PCDH11X: variants seen among roughly 807,000 people sequenced by gnomAD.
PCDH11X encodes protocadherin-11 X-linked.
PCDH11X carries 18 observed loss-of-function variants against 53.3 expected under a neutral mutation model. That is an observed-to-expected ratio of 0.34 (90% CI 0.23 to 0.50). PCDH11X has a LOEUF of 0.50. Among genes scored for constraint, PCDH11X ranks in the 20% least tolerant of loss-of-function variants. The pLI is 0.98. For synonymous variants in PCDH11X, 279 were observed against 393.3 expected, an observed-to-expected ratio of 0.71 and a Z score of 3.44; for missense variants, 570 against 1,032.4, an observed-to-expected ratio of 0.55 and a Z score of 6.14.
intron 9 of PCDH11X, among the ~76,000 whole-genome samples, chrX:92,428,858 G>A (rs2072185589): frequency 9.0e-6 from 1 of 110,771 alleles, no homozygotes; most frequent in Admixed American, 9.7e-5. Context: ...TGAATACGGA[G>A]CAGATAAACC....
chrX:92,232,811 C>CGGG (rs2067101521), intron 7 of PCDH11X, among the ~76,000 whole-genome samples: 16 of 111,637 alleles, frequency 1.4e-4, no homozygotes, highest in Admixed American at 1.2e-3. Context: ...CCGCCTTCTG[C>CGGG]TTCACGCCAT....
chrX:92,606,795 A>G (rs940076255), intron 10 of PCDH11X, among the ~76,000 whole-genome samples: 1 of 112,084 alleles, frequency 8.9e-6, no homozygotes, highest in Non-Finnish European at 1.9e-5. Context: ...TATTTAGACC[A>G]TAAAAAGAAC....
rs759091083 is a variant in PCDH11X, at chrX:92,412,793, C to CTG, written c.3343+24876_3343+24877dup. ...CAAAAAACAGTCTCTCTCTCTGTCT[C>CTG]TGTGTGTGTGTGTGTGTAAATTTAT... On this transcript the variant is annotated intron_variant, in intron 9 of 10. Transcript: ENST00000682573. 9.0e-3 allele frequency among the ~76,000 whole-genome samples: 960 copies of CTG among 106,789 alleles called. 12 individuals carry two copies. The highest frequency in any genetic ancestry group is 0.03 in the African/African-American group (874 of 29,449). The allele number at this position is 106,789 out of a possible 115,157, so 92.7% of individuals were successfully genotyped here.
chrX:91,818,309 C>T (rs780960350), intron 4 of PCDH11X, among the ~76,000 whole-genome samples: 14 of 110,745 alleles, frequency 1.3e-4, no homozygotes, highest in Admixed American at 4.8e-4. Flanking sequence ...GATCAAATTA[C>T]GTTTTTTATA....
At chrX:91,930,209 A>G (rs1942079213) in intron 6 of PCDH11X, among the ~76,000 whole-genome samples, 1 of 108,399 alleles carries the variant, frequency 9.2e-6, no homozygotes, top group Non-Finnish European at 1.9e-5. Flanking sequence ...ACTGGACTAA[A>G]ATGATAGAAA....
At chrX:92,164,018 T>A (rs2148264295) in intron 6 of PCDH11X, among the ~76,000 whole-genome samples, 1 of 112,175 alleles carries the variant, frequency 8.9e-6, no homozygotes, top group African/African-American at 3.3e-5. Flanking sequence ...GATTAAATTT[T>A]AATTACTGTA....
chrX:92,585,592 G>T (rs145558195), intron 10 of PCDH11X, among the ~76,000 whole-genome samples: 24,496 of 107,708 alleles, frequency 0.23, 2,207 homozygotes, highest in African/African-American at 0.28. Context: ...GGATGGTCTC[G>T]ATCTCCTGAC....
intron 6 of PCDH11X, among the ~76,000 whole-genome samples, chrX:92,002,007 T>C (rs910086387): frequency 2.0e-5 from 2 of 102,233 alleles, no homozygotes; most frequent in Admixed American, 2.2e-4. Flanking sequence ...TTTTCAGTGT[T>C]TTCTTGTAAT....
chrX:91,817,517 T>A (rs1013832081), intron 4 of PCDH11X, among the ~76,000 whole-genome samples: 5 of 110,841 alleles, frequency 4.5e-5, no homozygotes, highest in African/African-American at 1.6e-4. Flanking sequence ...GACCTTCTGA[T>A]CTAGATTAGT....
At chrX:91,900,236 GC>G (rs1273331844) in intron 6 of PCDH11X, among the ~76,000 whole-genome samples, 1 of 110,743 alleles carries the variant, frequency 9.0e-6, no homozygotes, top group Non-Finnish European at 1.9e-5. Context: ...GGTAGGAGGA[GC>G]CCAGAGTGGC....
intron 10 of PCDH11X, among the ~76,000 whole-genome samples, chrX:92,554,414 A>T (rs1451647902): frequency 1.8e-5 from 2 of 108,473 alleles, no homozygotes. Context: ...TATTATTTTT[A>T]AAAATTTTAT....
At chrX:92,402,614 G>A (rs969381332) in intron 9 of PCDH11X, among the ~76,000 whole-genome samples, 5 of 111,438 alleles carry the variant, frequency 4.5e-5, no homozygotes, top group African/African-American at 9.8e-5. Flanking sequence ...TCCTTACACC[G>A]TATACAAAAA....
intron 10 of PCDH11X, among the ~76,000 whole-genome samples, chrX:92,544,124 G>C (rs1442581478): frequency 9.1e-6 from 1 of 109,663 alleles, no homozygotes; most frequent in Non-Finnish European, 1.9e-5. Context: ...ATAGATAATT[G>C]GAATAAAACC....
At chrX:92,305,842 A>G (rs1203242675) in intron 8 of PCDH11X, among the ~76,000 whole-genome samples, 3 of 109,715 alleles carry the variant, frequency 2.7e-5, no homozygotes, top group African/African-American at 1.0e-4. Context: ...GCACTTATCC[A>G]GAGCAAAATT....
At chrX:92,114,994 G>A (rs1299518077) in intron 6 of PCDH11X, among the ~76,000 whole-genome samples, 3 of 110,199 alleles carry the variant, frequency 2.7e-5, no homozygotes, top group Non-Finnish European at 3.8e-5. Flanking sequence ...TACCATGCCC[G>A]GCTGGGGTTT....
At chrX:92,300,752 C>T (rs981709632) in intron 8 of PCDH11X, among the ~76,000 whole-genome samples, 5 of 112,184 alleles carry the variant, frequency 4.5e-5, no homozygotes, top group African/African-American at 1.6e-4. Context: ...GCTGGGAATA[C>T]AGGCATGAGC....
intron 8 of PCDH11X, among the ~76,000 whole-genome samples, chrX:92,330,076 C>A (rs906828858): frequency 6.4e-5 from 7 of 109,924 alleles, no homozygotes; most frequent in African/African-American, 2.3e-4. Flanking sequence ...ATGCCTGTAT[C>A]AAAATATCTC....
chrX:92,312,319 C>T (rs1432849220), intron 8 of PCDH11X, among the ~76,000 whole-genome samples: 3 of 111,122 alleles, frequency 2.7e-5, no homozygotes, highest in Non-Finnish European at 3.8e-5. Flanking sequence ...CTTAATATCA[C>T]TGTAAAATAA....
Position 92,367,143 on chromosome X carries a change from T to A in PCDH11X, c.3145-20592T>A, listed in dbSNP as rs753913525. On this transcript the variant is annotated intron_variant, in intron 8 of 10. Coordinates refer to ENST00000682573, the MANE Select transcript of PCDH11X (RefSeq NM_032968.5). ...ATCGGAGTCTAAGTCTCTTTCTAAG[T>A]CTCTAAGAACTTGCTTTATGAATCT... Among the ~76,000 whole-genome samples the A allele has an allele frequency of 7.3e-5, 8 of 110,260 alleles. No homozygotes were observed. In the South Asian group the frequency reaches 3.2e-3, roughly 44 times the overall value.
Sources: allele counts gnomAD v4.1 joint callset (sites outside exome capture counted in the v4.1 genomes callset), GRCh38; gene constraint gnomAD v4.1.1; transcripts MANE v1.5; gene names NCBI Gene and HGNC (gene_info 2026-07-23, HGNC 2026-07-21).